Variants in ZMIZ1 observed in about 807,000 individuals in gnomAD.
ZMIZ1 encodes zinc finger MIZ-type containing 1, also known as zinc finger MIZ domain-containing protein 1.
In ZMIZ1, 17 loss-of-function variants were observed where a neutral mutation model predicts 113.9. The ratio of observed to expected loss-of-function variants is 0.15; its 90% CI spans 0.10 to 0.22. The LOEUF (loss-of-function observed/expected upper bound fraction) is 0.22. ZMIZ1 is among the 10% of genes least tolerant of loss of function. The pLI is 1.00. For missense variants in ZMIZ1, 1,059 were observed against 1,477.8 expected (o/e 0.72, Z 4.65); for synonymous variants, 607 against 603.1 (o/e 1.01, Z -0.09).
chr10:79,224,067 C>A (rs1276404611), intron 7 of ZMIZ1, among the ~76,000 whole-genome samples: 1 of 152,144 alleles, frequency 6.6e-6, no homozygotes, highest in African/African-American at 2.4e-5. Flanking sequence ...AAAACGAGGT[C>A]TCCAAAGAAT....
intron 9 of ZMIZ1, 160 bp from the exon 10 acceptor site, chr10:79,290,799 G>C (rs1414412323): frequency 1.2e-6 from 1 of 835,736 alleles, no homozygotes; most frequent in South Asian, 1.4e-5. Flanking sequence ...CCTTATCACC[G>C]GTACACTCAG....
intron 4 of ZMIZ1, among the ~76,000 whole-genome samples, chr10:79,175,634 G>C (rs1050473150): frequency 5.2e-5 from 3 of 57,962 alleles, no homozygotes; most frequent in Non-Finnish European, 8.3e-5. Flanking sequence ...GTGTGTGGAG[G>C]TTTTTACAGA....
chr10:79,091,462 T>C (rs573017623), intron 1 of ZMIZ1, among the ~76,000 whole-genome samples: 1 of 152,308 alleles, frequency 6.6e-6, no homozygotes, highest in Non-Finnish European at 1.5e-5. Flanking sequence ...ACAGTCTGCA[T>C]TGGAAACAAC....
At chr10:79,083,222 G>A (rs1842715989) in intron 1 of ZMIZ1, among the ~76,000 whole-genome samples, 1 of 152,236 alleles carries the variant, frequency 6.6e-6, no homozygotes, top group African/African-American at 2.4e-5. Flanking sequence ...TTTAGGTGGT[G>A]TGGTCAGGGA....
intron 7 of ZMIZ1, among the ~76,000 whole-genome samples, chr10:79,269,265 A>G (rs982378031): frequency 1.3e-5 from 2 of 152,068 alleles, no homozygotes. Flanking sequence ...CTGAAAATGT[A>G]TCATTCATAT....
chr10:79,219,406 AG>A (rs1486966834), intron 7 of ZMIZ1, among the ~76,000 whole-genome samples: 5 of 152,224 alleles, frequency 3.3e-5, no homozygotes, highest in Non-Finnish European at 7.3e-5. Context: ...ATGGAAGCTC[AG>A]AGAGGTCCTA....
Position 79,095,587 on chromosome 10 carries a change from C to T in ZMIZ1, c.-336-23328C>T, listed in dbSNP as rs76590686. Among the ~76,000 whole-genome samples the T allele has an allele frequency of 8.5e-3, 1,288 of 152,290 alleles. 21 individuals are homozygous for T. Among genetic ancestry groups the T allele is most frequent in the African/African-American group, 0.029 (1,205 of 41,554 alleles). On this transcript the variant is annotated intron_variant, in intron 1 of 24. Coordinates refer to ENST00000334512, the MANE Select transcript of ZMIZ1 (RefSeq NM_020338.4). ...CCTTCTTACCTGACTGCTCTGAGTG[C>T]AGATCTATGCTGCTTCCCATCTTCT...
At chr10:79,291,281 G>A (rs1853478704) in intron 10 of ZMIZ1, 105 bp downstream of exon 10, 2 of 1,333,008 alleles carry the variant, frequency 1.5e-6, no homozygotes, top group South Asian at 1.5e-5. Flanking sequence ...TCTGCCCTGA[G>A]AAGTTATCCT....
At chr10:79,306,451 AAGAG>A in intron 22 of ZMIZ1, 107 bp downstream of exon 22, 1 of 1,503,026 alleles carries the variant, frequency 6.7e-7, no homozygotes, top group Non-Finnish European at 8.9e-7. Flanking sequence ...GGTGTGGTTG[AAGAG>A]AGAGAAGTAA....
rs563710035 is a variant in ZMIZ1 at position 79,296,787 on chromosome 10, G to A, written c.1413+134G>A. On this transcript the variant is annotated intron_variant, in intron 13 of 24. Transcript: ENST00000334512. This position sits in a 1 kb window ranked among gnomAD's most constrained non-coding sequence, Gnocchi z 4.1. ...AGCGAGGGGTGGGTGATTTCTGAACGTCCCCATGTGTTCAGGGCGAAGTTC... is the reference window on the plus strand; with the variant it reads ...AGCGAGGGGTGGGTGATTTCTGAACATCCCCATGTGTTCAGGGCGAAGTTC... 11 of 852,104 alleles carry A rather than the reference G, an allele frequency of 1.3e-5. No individual in the cohort carries two copies. Among genetic ancestry groups the A allele is most frequent in the South Asian group, 5.0e-5 (2 of 39,670 alleles). The allele number at this position is 852,104 out of a possible 1,614,324, so 52.8% of individuals were successfully genotyped here.
chr10:79,201,606 C>G lies in ZMIZ1; in HGVS notation c.-27C>G, dbSNP rs769266544. On this transcript the variant is annotated 5_prime_UTR_variant, in exon 5 of 25. Transcript: ENST00000334512. ...CAGGCTGGACAACGTTCATGGCTCTCGGGTAGAACCTAGTGAAACGGCCAG... is the reference window on the plus strand; with the variant it reads ...CAGGCTGGACAACGTTCATGGCTCTGGGGTAGAACCTAGTGAAACGGCCAG... 7.4e-6 allele frequency: 12 copies of G among 1,612,622 alleles called. No individual in the cohort carries two copies. The highest frequency in any genetic ancestry group is 1.0e-5 in the Non-Finnish European group (12 of 1,179,336).
chr10:79,245,832 G>A (rs956197386), intron 7 of ZMIZ1, among the ~76,000 whole-genome samples: 2 of 151,952 alleles, frequency 1.3e-5, no homozygotes, highest in Non-Finnish European at 2.9e-5. Context: ...CTTATCCTTG[G>A]CACTAACCAC....
Position 79,314,828 on chromosome 10 carries a change from A to T in ZMIZ1, c.*2079A>T, listed in dbSNP as rs1855430308. 1 of 154,360 alleles carries T rather than the reference A, an allele frequency of 6.5e-6. No individual in the cohort carries two copies. Among genetic ancestry groups the T allele is most frequent in the Admixed American group, 6.5e-5 (1 of 15,452 alleles). The allele number at this position is 154,360 out of a possible 1,614,324, so 9.6% of individuals were successfully genotyped here. On this transcript the variant is annotated 3_prime_UTR_variant, in exon 25 of 25. Transcript: ENST00000334512. Reference sequence around the variant, plus strand: ...TCAGTCAGCTGGCAGGGACAAGCCAACGCCAGGTAGCATGTGGCCACCCTT... The same window carrying T: ...TCAGTCAGCTGGCAGGGACAAGCCATCGCCAGGTAGCATGTGGCCACCCTT...
chr10:79,244,049 C>G (rs768813047), intron 7 of ZMIZ1, among the ~76,000 whole-genome samples: 7 of 152,238 alleles, frequency 4.6e-5, no homozygotes, highest in Non-Finnish European at 1.0e-4. Flanking sequence ...TTACGAGGCT[C>G]TGTGCTCAGT....
intron 2 of ZMIZ1, among the ~76,000 whole-genome samples, chr10:79,136,582 G>A (rs1845018998): frequency 6.6e-6 from 1 of 152,256 alleles, no homozygotes; most frequent in African/African-American, 2.4e-5. Context: ...GTGGAGAGAA[G>A]TGGTGAAGGG....
Position 79,264,850 on chromosome 10 carries a change from G to T in ZMIZ1, c.281-12331G>T, listed in dbSNP as rs930495676. On this transcript the variant is annotated intron_variant, in intron 7 of 24. Coordinates refer to ENST00000334512, the MANE Select transcript of ZMIZ1 (RefSeq NM_020338.4). ...TTGGGGTACCCCCAAAAAGAAAGGG[G>T]GGCATTCCCTTTCTGTGGACAACAC... Among the ~76,000 whole-genome samples, 6 of 152,174 alleles carry T rather than the reference G, an allele frequency of 3.9e-5. No individual in the cohort carries two copies. The East Asian group carries it at 7.7e-4, about 20-fold the overall frequency.
chr10:79,151,708 TG>T (rs965011109), intron 3 of ZMIZ1, among the ~76,000 whole-genome samples: 2 of 152,044 alleles, frequency 1.3e-5, no homozygotes, highest in African/African-American at 4.8e-5. Flanking sequence ...CCCACCGGCG[TG>T]GGGTTGTCTG....
intron 24 of ZMIZ1, 30 bp downstream of exon 24, chr10:79,311,214 T>C: frequency 7.5e-7 from 1 of 1,331,716 alleles, no homozygotes; most frequent in Middle Eastern, 2.3e-4. Context: ...CGCCTTGGCC[T>C]GGGGCTAGGC....
intron 15 of ZMIZ1, 81 bp downstream of exon 15, chr10:79,298,661 G>T (rs1854079985): frequency 1.5e-6 from 2 of 1,334,864 alleles, no homozygotes; most frequent in Non-Finnish European, 2.1e-6. Context: ...CAGTCAGGCT[G>T]CCTGGGGAGT....
Sources: gnomAD v4.1 joint callset for allele counts (sites outside exome capture counted in the v4.1 genomes callset) on GRCh38, gnomAD v4.1.1 for gene constraint, Gnocchi (gnomAD v3.1) non-coding constraint, MANE v1.5 for transcripts, NCBI Gene and HGNC (gene_info 2026-07-23, HGNC 2026-07-21) for gene names.